Variants in POFUT3 observed in about 807,000 individuals in gnomAD.
POFUT3 encodes the protein protein O-fucosyltransferase 3, also known as GDP-fucose protein O-fucosyltransferase 3.
the POFUT3 span, among the ~76,000 whole-genome samples, chr8:33,367,728 T>C: frequency 3.7e-3 from 560 of 152,214 alleles, 2 homozygotes; most frequent in Non-Finnish European, 3.5e-3. Context: ...CTTTTTTTTT[T>C]CCCCATGAGT....
chr8:33,362,284 G>A, the POFUT3 span, among the ~76,000 whole-genome samples: 1 of 151,760 alleles, frequency 6.6e-6, no homozygotes, highest in South Asian at 2.1e-4. Flanking sequence ...AACATGGAAA[G>A]AAACAACCCG....
the POFUT3 span, among the ~76,000 whole-genome samples, chr8:33,410,572 C>T: frequency 1.3e-5 from 2 of 152,058 alleles, no homozygotes; most frequent in African/African-American, 4.8e-5. Context: ...CCAGAAGTCT[C>T]CCACTCAATA....
chr8:33,404,200 T>C, the POFUT3 span, among the ~76,000 whole-genome samples: 1 of 152,126 alleles, frequency 6.6e-6, no homozygotes, highest in South Asian at 2.1e-4. Flanking sequence ...TACTCAGGTG[T>C]GGTGGTGCAT....
chr8:33,411,581 A>G, the POFUT3 span, among the ~76,000 whole-genome samples: 1 of 152,188 alleles, frequency 6.6e-6, no homozygotes, highest in Non-Finnish European at 1.5e-5. Context: ...TGAGGTCAGG[A>G]GTTCGAGACC....
the POFUT3 span, among the ~76,000 whole-genome samples, chr8:33,401,143 C>T: frequency 1.3e-5 from 2 of 151,938 alleles, no homozygotes; most frequent in Non-Finnish European, 2.9e-5. Flanking sequence ...CCACCATGCC[C>T]GGCTAATTTT....
At chr8:33,331,142 A>G in the POFUT3 span, among the ~76,000 whole-genome samples, 20 of 151,840 alleles carry the variant, frequency 1.3e-4, no homozygotes, top group Non-Finnish European at 1.9e-4. Context: ...GAGTTTCGAG[A>G]CCAGCCTGGC....
the POFUT3 span, chr8:33,338,808 G>A: frequency 6.6e-6 from 1 of 152,060 alleles, no homozygotes; most frequent in East Asian, 1.9e-4. Context: ...CCTTCTCCTG[G>A]AGCAGTGGCA....
At chr8:33,323,091 G>A in the POFUT3 span, among the ~76,000 whole-genome samples, 2 of 152,120 alleles carry the variant, frequency 1.3e-5, no homozygotes, top group East Asian at 3.8e-4. Context: ...TCTCCCGCTT[G>A]CAAGGAAACA....
the POFUT3 span, among the ~76,000 whole-genome samples, chr8:33,381,649 C>A: frequency 2.6e-5 from 4 of 152,254 alleles, no homozygotes; most frequent in African/African-American, 9.6e-5. Context: ...GAAGAGAGTG[C>A]ACTTAAATGC....
chr8:33,431,237 C>T, the POFUT3 span, among the ~76,000 whole-genome samples: 1 of 152,054 alleles, frequency 6.6e-6, no homozygotes, highest in African/African-American at 2.4e-5. Flanking sequence ...GCTAATCATG[C>T]CCATGTGGCT....
the POFUT3 span, among the ~76,000 whole-genome samples, chr8:33,410,719 C>T: frequency 7.2e-5 from 11 of 152,146 alleles, no homozygotes; most frequent in Non-Finnish European, 1.3e-4. Context: ...CAAACATCTT[C>T]CCAGAATTAT....
At chr8:33,379,834 TAAA>T in the POFUT3 span, among the ~76,000 whole-genome samples, 7 of 71,054 alleles carry the variant, frequency 9.9e-5, no homozygotes, top group African/African-American at 4.5e-4. Context: ...AGACTCTGTC[TAAA>T]AAAAAAAAAA....
the POFUT3 span, among the ~76,000 whole-genome samples, chr8:33,384,776 G>A: frequency 8.4e-4 from 128 of 152,120 alleles, 1 homozygote; most frequent in African/African-American, 2.9e-3. Context: ...AGCCAAGTTC[G>A]TGCCACCACA....
chr8:33,346,914 C>G, the POFUT3 span, among the ~76,000 whole-genome samples: 1 of 152,094 alleles, frequency 6.6e-6, no homozygotes, highest in Admixed American at 6.5e-5. Context: ...GTAGATTAGT[C>G]AGAGAAAACT....
the POFUT3 span, among the ~76,000 whole-genome samples, chr8:33,462,930 CAA>C: frequency 4.3e-5 from 6 of 139,500 alleles, no homozygotes; most frequent in African/African-American, 5.3e-5. Flanking sequence ...GACCCTATCT[CAA>C]AAAAAAAAAA....
At chr8:33,467,597 G>A in the POFUT3 span, among the ~76,000 whole-genome samples, 128 of 152,148 alleles carry the variant, frequency 8.4e-4, no homozygotes, top group South Asian at 1.9e-3. Flanking sequence ...TGCATTGCAC[G>A]GCTGGCATGC....
At chr8:33,360,580 C>A in the POFUT3 span, among the ~76,000 whole-genome samples, 1 of 152,150 alleles carries the variant, frequency 6.6e-6, no homozygotes, top group Admixed American at 6.5e-5. Context: ...CCCTACACCC[C>A]CTATAGCTCA....
chr8:33,343,112 G>GAAA, the POFUT3 span, among the ~76,000 whole-genome samples: 37 of 115,130 alleles, frequency 3.2e-4, no homozygotes, highest in South Asian at 7.2e-4. Context: ...CTCCGTCTAA[G>GAAA]AAAAAAAAAA....
chr8:33,364,524 T>C, the POFUT3 span, among the ~76,000 whole-genome samples: 418 of 152,258 alleles, frequency 2.7e-3, 4 homozygotes, highest in African/African-American at 9.5e-3. Context: ...TAGAAAACCC[T>C]ATCGTCTCAG....
Sources: gnomAD v4.1 joint callset for allele counts (sites outside exome capture counted in the v4.1 genomes callset) on GRCh38, gnomAD v4.1.1 for gene constraint, MANE v1.5 for transcripts, NCBI Gene and HGNC (gene_info 2026-07-23, HGNC 2026-07-21) for gene names.